The following PRKCA variants were observed in gnomAD, a reference collection of about 807,000 sequenced individuals.
PRKCA encodes protein kinase C alpha type.
In PRKCA, 27 loss-of-function variants were observed where a neutral mutation model predicts 87.0. The ratio of observed to expected loss-of-function variants is 0.31; its 90% confidence interval spans 0.23 to 0.43. The LOEUF (loss-of-function observed/expected upper bound fraction) is 0.43, where lower values mean the gene tolerates loss of function less well. Ranked by LOEUF, PRKCA falls within the 20% of genes least tolerant of loss-of-function variation. The pLI is 1.00. For synonymous variants in PRKCA, 329 were observed against 311.1 expected, an observed-to-expected ratio of 1.06 and a Z score of -0.61; for missense variants, 518 against 852.3, an observed-to-expected ratio of 0.61 and a Z score of 4.88.
chr17:66,645,332 G>T, intron 4 of PRKCA, 51 bp from the exon 5 acceptor site: 1 of 1,611,958 alleles, frequency 6.2e-7, no homozygotes, highest in South Asian at 1.1e-5. Context: ...ACTGAGGAGC[G>T]GTGGTTGGAG....
intron 13 of PRKCA, among the ~76,000 whole-genome samples, chr17:66,770,970 G>A (rs1427814894): frequency 2.0e-5 from 3 of 151,866 alleles, no homozygotes; most frequent in Non-Finnish European, 4.4e-5. Flanking sequence ...TGGTGGGAGT[G>A]AGCGTGCTAC....
At chr17:66,532,429 G>T (rs1256691361) in intron 3 of PRKCA, among the ~76,000 whole-genome samples, 1 of 151,052 alleles carries the variant, frequency 6.6e-6, no homozygotes, top group Admixed American at 6.6e-5. Context: ...GCAGTGGTGC[G>T]ATCTTGGCTC....
chr17:66,730,897 C>T (rs913509303), intron 8 of PRKCA, among the ~76,000 whole-genome samples: 3 of 152,194 alleles, frequency 2.0e-5, no homozygotes, highest in Admixed American at 6.5e-5. Context: ...GATGATTCCT[C>T]GGAAGCCTTC....
intron 3 of PRKCA, among the ~76,000 whole-genome samples, chr17:66,620,308 C>G (rs1970639953): frequency 6.6e-6 from 1 of 152,126 alleles, no homozygotes; most frequent in South Asian, 2.1e-4. Context: ...CAATAGTCAC[C>G]AAAAACCTCC....
chr17:66,339,505 T>C (rs1906908450), intron 2 of PRKCA, among the ~76,000 whole-genome samples: 1 of 152,192 alleles, frequency 6.6e-6, no homozygotes. Context: ...GTTTTTCTTA[T>C]GTGACTCCTA....
chr17:66,356,644 AAAAC>A (rs1362124178), intron 2 of PRKCA, among the ~76,000 whole-genome samples: 1 of 152,210 alleles, frequency 6.6e-6, no homozygotes, highest in Non-Finnish European at 1.5e-5. Context: ...AAACAAAAAC[AAAAC>A]AAACAAAACA....
intron 3 of PRKCA, among the ~76,000 whole-genome samples, chr17:66,587,188 T>C (rs1969623262): frequency 6.6e-6 from 1 of 152,188 alleles, no homozygotes; most frequent in Non-Finnish European, 1.5e-5. Flanking sequence ...TCTATGAACA[T>C]TTCTTTCTAA....
chr17:66,721,391 G>A lies in PRKCA; in HGVS notation c.919-11297G>A, dbSNP rs199672040. Among the ~76,000 whole-genome samples the A allele has an allele frequency of 3.7e-3, 413 of 110,428 alleles. 4 individuals are homozygous for A. The highest frequency in any genetic ancestry group is 0.011 in the Admixed American group (118 of 10,884). 72.4% of individuals were successfully genotyped at this position (110,428 alleles called of 152,430 possible). ...AGCCTGGGCAACAGAGCAAGATTCCGTCTCAAAAAAAAAAAAAAAAAAGAA... is the reference window on the plus strand; with the variant it reads ...AGCCTGGGCAACAGAGCAAGATTCCATCTCAAAAAAAAAAAAAAAAAAGAA... On this transcript the variant is annotated intron_variant, in intron 8 of 16. Coordinates refer to ENST00000413366, the MANE Select transcript of PRKCA (RefSeq NM_002737.3).
intron 3 of PRKCA, among the ~76,000 whole-genome samples, chr17:66,552,980 A>T (rs951328668): frequency 1.8e-5 from 2 of 108,836 alleles, no homozygotes; most frequent in South Asian, 6.4e-4. Context: ...AAAAATCTGA[A>T]TATTTTCTTT....
At chr17:66,765,524 TTA>T (rs1191720601) in intron 13 of PRKCA, among the ~76,000 whole-genome samples, 3 of 143,878 alleles carry the variant, frequency 2.1e-5, no homozygotes, top group African/African-American at 5.1e-5. Flanking sequence ...ATATTTGTCT[TTA>T]TATATATATG....
At chr17:66,541,285 G>T (rs564575820) in intron 3 of PRKCA, among the ~76,000 whole-genome samples, 2 of 152,304 alleles carry the variant, frequency 1.3e-5, no homozygotes, top group East Asian at 3.9e-4. Context: ...CAGTAAGAAG[G>T]TCTTGTGGTA....
At chr17:66,595,360 T>C (rs1195885732) in intron 3 of PRKCA, among the ~76,000 whole-genome samples, 1 of 152,004 alleles carries the variant, frequency 6.6e-6, no homozygotes, top group Non-Finnish European at 1.5e-5. Flanking sequence ...CGCAAGTACA[T>C]CAGTCGTTGA....
chr17:66,523,267 G>A (rs1967231376), intron 3 of PRKCA, among the ~76,000 whole-genome samples: 1 of 152,130 alleles, frequency 6.6e-6, no homozygotes. Context: ...TTTCCAAAAT[G>A]CATTCCCCCA....
chr17:66,552,924 T>C (rs574144340), intron 3 of PRKCA, among the ~76,000 whole-genome samples: 6 of 152,352 alleles, frequency 3.9e-5, no homozygotes, highest in Non-Finnish European at 7.3e-5. Flanking sequence ...GTATGTCTTT[T>C]TAGTAGAACA....
chr17:66,614,052 G>A (rs1281236076), intron 3 of PRKCA, among the ~76,000 whole-genome samples: 1 of 151,938 alleles, frequency 6.6e-6, no homozygotes, highest in Non-Finnish European at 1.5e-5. Flanking sequence ...TGGCCTCCCC[G>A]AGTGCTGGGA....
chr17:66,400,223 C>T, intron 2 of PRKCA, among the ~76,000 whole-genome samples: 1 of 152,218 alleles, frequency 6.6e-6, no homozygotes, highest in Non-Finnish European at 1.5e-5. Context: ...ACAGTCTCGG[C>T]TCACTGCAAC....
intron 2 of PRKCA, among the ~76,000 whole-genome samples, chr17:66,328,125 A>G (rs931040057): frequency 2.2e-4 from 33 of 152,124 alleles, no homozygotes; most frequent in Admixed American, 2.2e-3. Flanking sequence ...GCTCACTGCA[A>G]TCTCAATCTC....
intron 2 of PRKCA, among the ~76,000 whole-genome samples, chr17:66,310,246 A>G (rs1246153956): frequency 6.7e-6 from 1 of 149,442 alleles, no homozygotes; most frequent in Non-Finnish European, 1.5e-5. Flanking sequence ...TTTTAATATC[A>G]CAAATGAAAA....
At chr17:66,738,230 C>A (rs1268112569) in intron 10 of PRKCA, among the ~76,000 whole-genome samples, 1 of 152,226 alleles carries the variant, frequency 6.6e-6, no homozygotes, top group East Asian at 1.9e-4. Context: ...CATCTAGAGT[C>A]CCCTGTCCCA....
Sources: gnomAD v4.1 joint callset for allele counts (sites outside exome capture counted in the v4.1 genomes callset) on GRCh38, gnomAD v4.1.1 for gene constraint, MANE v1.5 for transcripts, NCBI Gene and HGNC (gene_info 2026-07-23, HGNC 2026-07-21) for gene names.